Variants in XKR6 observed in about 807,000 individuals in gnomAD.
XKR6 encodes the protein XK related 6, also known as XK-related protein 6.
XKR6 carries 22 observed loss-of-function variants against 56.7 expected under a neutral mutation model. The observed-to-expected ratio is 0.39, with a 90% CI of 0.28 to 0.55. The LOEUF (loss-of-function observed/expected upper bound fraction) is 0.55, where lower values mean the gene tolerates loss of function less well. XKR6 is among the 20% of genes least tolerant of loss of function. XKR6 has a pLI of 0.66. For synonymous variants in XKR6, 524 were observed against 387.8 expected, an observed-to-expected ratio of 1.35 and a Z score of -4.13; for missense variants, 852 against 889.0, an observed-to-expected ratio of 0.96 and a Z score of 0.53.
intron 1 of XKR6, among the ~76,000 whole-genome samples, chr8:11,054,767 G>A (rs1447363283): frequency 1.3e-5 from 2 of 152,206 alleles, no homozygotes; most frequent in African/African-American, 4.8e-5. Context: ...GCTGGTGTGG[G>A]TGAGGGTCCG....
chr8:11,028,495 A>G (rs796649999), intron 1 of XKR6, among the ~76,000 whole-genome samples: 11 of 152,332 alleles, frequency 7.2e-5, no homozygotes, highest in African/African-American at 2.6e-4. Flanking sequence ...GTATAAGACT[A>G]TGTTTAGTTT....
At chr8:11,156,277 G>C (rs1037813804) in intron 1 of XKR6, among the ~76,000 whole-genome samples, 1 of 152,010 alleles carries the variant, frequency 6.6e-6, no homozygotes, top group Non-Finnish European at 1.5e-5. Flanking sequence ...TCCAACTTTT[G>C]TTGATTTAAC....
Position 11,067,622 on chromosome 8 carries a change from G to A in XKR6, c.764+132954C>T, listed in dbSNP as rs188225029. On this transcript the variant is annotated intron_variant, in intron 1 of 2. Transcript: ENST00000416569. ...AGGAGAAAAATCCACCCACAGTGCTGATTCTCTTCCTGTTACCAGCTGAGG... is the reference window on the plus strand; with the variant it reads ...AGGAGAAAAATCCACCCACAGTGCTAATTCTCTTCCTGTTACCAGCTGAGG... Among the ~76,000 whole-genome samples the A allele has an allele frequency of 2.7e-4, 41 of 152,366 alleles. No individual in the cohort carries two copies. In the East Asian group the frequency reaches 6.2e-3, roughly 23 times the overall value.
chr8:11,034,761 G>A (rs1254855491), intron 1 of XKR6, among the ~76,000 whole-genome samples: 3 of 152,182 alleles, frequency 2.0e-5, no homozygotes, highest in Admixed American at 6.5e-5. Flanking sequence ...GATGGGGAAG[G>A]GGTGATGGGT....
At chr8:10,899,628 G>C (rs774536704) in intron 2 of XKR6, among the ~76,000 whole-genome samples, 64 of 152,298 alleles carry the variant, frequency 4.2e-4, no homozygotes, top group Middle Eastern at 3.4e-3. Context: ...TGCTCAATGT[G>C]CTCTTAAGCC....
chr8:11,147,147 G>C (rs1045025696), intron 1 of XKR6, among the ~76,000 whole-genome samples: 7 of 151,996 alleles, frequency 4.6e-5, no homozygotes, highest in African/African-American at 1.7e-4. Context: ...ACTTGGGGTG[G>C]TAATGGATAT....
chr8:11,185,304 G>C (rs975493518), intron 1 of XKR6, among the ~76,000 whole-genome samples: 1 of 152,194 alleles, frequency 6.6e-6, no homozygotes, highest in Admixed American at 6.5e-5. Context: ...TTTAATGCTA[G>C]AAGTGTTTTG....
chr8:10,991,726 G>T (rs1456651291), intron 1 of XKR6, among the ~76,000 whole-genome samples: 1 of 152,124 alleles, frequency 6.6e-6, no homozygotes, highest in African/African-American at 2.4e-5. Flanking sequence ...TTATTTAAAG[G>T]TAGAGTTGCA....
chr8:11,175,826 G>A (rs781347193), intron 1 of XKR6, among the ~76,000 whole-genome samples: 7 of 152,026 alleles, frequency 4.6e-5, no homozygotes, highest in African/African-American at 9.7e-5. Flanking sequence ...ACATCCGTCC[G>A]TCAACAGTCC....
Position 11,149,991 on chromosome 8 carries a change from G to C in XKR6, c.764+50585C>G, listed in dbSNP as rs113748315. Among the ~76,000 whole-genome samples, 622 of 152,318 alleles carry C rather than the reference G, an allele frequency of 4.1e-3. 4 individuals carry two copies. The highest frequency in any genetic ancestry group is 7.0e-3 in the Non-Finnish European group (476 of 68,028). ...AGCCAGGCAAAGAAAGACAAATATT[G>C]CATGTACTCACATGTGGGAGCTAAA... On this transcript the variant is annotated intron_variant, in intron 1 of 2. Coordinates refer to ENST00000416569, the MANE Select transcript of XKR6 (RefSeq NM_173683.4).
intron 1 of XKR6, among the ~76,000 whole-genome samples, chr8:11,079,142 C>T (rs1196986729): frequency 6.6e-6 from 1 of 152,206 alleles, no homozygotes. Flanking sequence ...AGGGAGGAAA[C>T]ACCTCCTTCT....
chr8:11,159,218 A>G (rs1801673466), intron 1 of XKR6, among the ~76,000 whole-genome samples: 1 of 152,224 alleles, frequency 6.6e-6, no homozygotes, highest in Admixed American at 6.5e-5. Flanking sequence ...TTGGGGTCTC[A>G]ATGACCCTTG....
chr8:10,939,741 G>A (rs1240459976), intron 1 of XKR6, among the ~76,000 whole-genome samples: 1 of 152,220 alleles, frequency 6.6e-6, no homozygotes. Context: ...CAGAGACCAG[G>A]GGCCTCGCCC....
At position 11,181,908 on chromosome 8, in the gene XKR6, A is replaced by G. The variant is rs549894262; in HGVS notation, c.764+18668T>C. Among the ~76,000 whole-genome samples the G allele has an allele frequency of 4.0e-5, 6 of 151,644 alleles. No homozygotes were observed. The South Asian group carries it at 1.3e-3, about 32-fold the overall frequency. Reference sequence around the variant, plus strand: ...GGCTCTGTTGCCCAGGTTGGAGTGCAGTGGCGAGATCTCAGCTCCCTGAAA... The same window carrying G: ...GGCTCTGTTGCCCAGGTTGGAGTGCGGTGGCGAGATCTCAGCTCCCTGAAA... On this transcript the variant is annotated intron_variant, in intron 1 of 2. Transcript: ENST00000416569.
chr8:11,058,953 C>A (rs151275588), intron 1 of XKR6, among the ~76,000 whole-genome samples: 1 of 152,378 alleles, frequency 6.6e-6, no homozygotes, highest in East Asian at 1.9e-4. Flanking sequence ...ATCTGTACAA[C>A]TTCGCAGCCA....
rs370568377 is a variant in XKR6 at position 10,902,029 on chromosome 8, T to C, written c.962-3113A>G. 9.2e-5 allele frequency among the ~76,000 whole-genome samples: 14 copies of C among 152,374 alleles called. No individual in the cohort carries two copies. In the South Asian group the frequency reaches 2.9e-3, roughly 32 times the overall value. On this transcript the variant is annotated intron_variant, in intron 2 of 2. Transcript: ENST00000416569. ...ATTTCCAGGTGTGTCGCTGTGGTTT[T>C]GAAGGCGGGTGTTCTGTTCCTGCAA...
At chr8:11,129,480 G>T (rs1290295994) in intron 1 of XKR6, among the ~76,000 whole-genome samples, 1 of 152,116 alleles carries the variant, frequency 6.6e-6, no homozygotes, top group Admixed American at 6.5e-5. Context: ...AAACAGTGGA[G>T]AGCTGCTCTC....
chr8:11,131,158 C>T (rs1800084315), intron 1 of XKR6, among the ~76,000 whole-genome samples: 1 of 152,168 alleles, frequency 6.6e-6, no homozygotes, highest in Admixed American at 6.5e-5. Context: ...TTGAATTCAG[C>T]ATTTGTACAC....
intron 1 of XKR6, among the ~76,000 whole-genome samples, chr8:11,073,792 A>C (rs923281637): frequency 6.6e-6 from 1 of 152,140 alleles, no homozygotes; most frequent in Non-Finnish European, 1.5e-5. Context: ...GAGAGGGGCC[A>C]GTGAGAAACA....
Sources: allele counts gnomAD v4.1 joint callset (sites outside exome capture counted in the v4.1 genomes callset), GRCh38; gene constraint gnomAD v4.1.1; transcripts MANE v1.5; gene names NCBI Gene and HGNC (gene_info 2026-07-23, HGNC 2026-07-21).